Variants in FSIP2 observed in about 807,000 individuals in gnomAD.
The protein encoded by FSIP2 is fibrous sheath-interacting protein 2.
FSIP2 carries 367 observed loss-of-function variants against 510.5 expected under a neutral mutation model. The observed-to-expected ratio is 0.72, with a 90% CI of 0.66 to 0.78. FSIP2 has a LOEUF of 0.78. FSIP2 is among the 30% of genes least tolerant of loss of function. The pLI, the probability that FSIP2 is intolerant of heterozygous loss-of-function variation, is 0.00. For synonymous variants in FSIP2, 2,601 were observed against 2,732.2 expected (o/e 0.95, Z 1.50); for missense variants, 7,594 against 7,901.7 (o/e 0.96, Z 1.48).
rs116029352 is a variant in FSIP2, at chr2:185,804,598, A to G, written c.15292A>G (p.Ile5098Val). 7,723 of 1,533,266 alleles carry G rather than the reference A, an allele frequency of 5.0e-3. 69 individuals carry two copies. The highest frequency in any genetic ancestry group is 0.028 in the South Asian group (2,336 of 83,916). 95.0% of individuals were successfully genotyped at this position (1,533,266 alleles called of 1,614,324 possible). A position where few individuals can be genotyped will look rare whatever the true frequency, so the allele number is the denominator to read the frequency against. ...ADNIIRNVLN[I>V]ITKDSHALPP... ...TAATATCATCAGAAATGTGCTTAAC[A>G]TAATCACAAAGGATAGCCATGCCTT... is the stretch of plus-strand genomic sequence containing the variant. Residue 5098 changes from isoleucine to valine, a missense_variant, in exon 17 of 23, where the codon ATA becomes GTA. By Grantham distance (29) the Ile-to-Val change is conservative. Coordinates refer to ENST00000424728, the MANE Select transcript of FSIP2 (RefSeq NM_173651.4).
At chr2:185,809,744 C>T (rs1163901593) in intron 17 of FSIP2, among the ~76,000 whole-genome samples, 1 of 151,976 alleles carries the variant, frequency 6.6e-6, no homozygotes, top group Non-Finnish European at 1.5e-5. Flanking sequence ...CACTTACACA[C>T]TTGTTTTTTT....
intron 13 of FSIP2, among the ~76,000 whole-genome samples, chr2:185,768,064 A>C (rs955507191): frequency 6.6e-6 from 1 of 152,126 alleles, no homozygotes. Flanking sequence ...TAGGCATTCT[A>C]AGAGATGTGA....
chr2:185,748,992 T>A (rs914112026), intron 7 of FSIP2, among the ~76,000 whole-genome samples: 1 of 152,092 alleles, frequency 6.6e-6, no homozygotes, highest in Non-Finnish European at 1.5e-5. Context: ...TGTCAAAAAT[T>A]ATTTGTATGG....
rs1473730479 is a variant in FSIP2 at position 185,806,429 on chromosome 2, G to GC, written c.17129dup (p.Gly5711ArgfsTer2). 6.2e-7 allele frequency: 1 copy of GC among 1,611,992 alleles called. No homozygotes were observed. The highest frequency in any genetic ancestry group is 8.5e-7 in the Non-Finnish European group (1 of 1,178,656). ...TATTCGAAACTCAGTTATGACCAAA[G>GC]CCCCCCAGGTGATAATGTATTAAAT... On this transcript the variant is annotated frameshift_variant, in exon 17 of 23. Coordinates refer to ENST00000424728, the MANE Select transcript of FSIP2 (RefSeq NM_173651.4). LOFTEE classifies it high-confidence loss of function.
Position 185,738,831 on chromosome 2 carries a change from C to A in FSIP2, c.-64C>A. ...TCCTGGTCAGGTCCGGACAGAGGGA[C>A]AACGGGGTGCTAGAGAAGGAGAGCG... On this transcript the variant is annotated 5_prime_UTR_variant, in exon 1 of 23. Coordinates refer to ENST00000424728, the MANE Select transcript of FSIP2 (RefSeq NM_173651.4). 6.5e-7 allele frequency: 1 copy of A among 1,535,754 alleles called. No homozygotes were observed. Among genetic ancestry groups the A allele is most frequent in the South Asian group, 1.2e-5 (1 of 84,054 alleles).
At chr2:185,788,605 C>T in intron 15 of FSIP2, 38 bp from the exon 16 acceptor site, 1 of 1,389,926 alleles carries the variant, frequency 7.2e-7, no homozygotes, top group South Asian at 1.6e-5. Flanking sequence ...TAAGTTGTTA[C>T]ATGACTTTAT....
intron 13 of FSIP2, among the ~76,000 whole-genome samples, chr2:185,781,525 T>TG (rs536854058): frequency 1.4e-4 from 22 of 152,198 alleles, no homozygotes; most frequent in East Asian, 7.8e-4. Flanking sequence ...CTCCATCTTT[T>TG]GGGGGGGCCC....
At position 185,744,338 on chromosome 2, in the gene FSIP2, G is replaced by C; in HGVS notation, c.404G>C (p.Arg135Thr). 1 of 1,199,626 alleles carries C rather than the reference G, an allele frequency of 8.3e-7. No individual in the cohort carries two copies. Among genetic ancestry groups the C allele is most frequent in the Non-Finnish European group, 1.1e-6 (1 of 923,198 alleles). The allele number at this position is 1,199,626 out of a possible 1,614,324, so 74.3% of individuals were successfully genotyped here. Residue 135 changes from arginine to threonine, a missense_variant, in exon 4 of 23, where the codon AGA becomes ACA. Physicochemically the swap from Arg to Thr is moderately conservative, Grantham distance 71. Coordinates refer to ENST00000424728, the MANE Select transcript of FSIP2 (RefSeq NM_173651.4). Reference sequence around the variant, plus strand: ...TGTTTGTAGGTTGTATGTACCTTGAGAGAATTGAATAAGTACAGGCAATAT... The same window carrying C: ...TGTTTGTAGGTTGTATGTACCTTGACAGAATTGAATAAGTACAGGCAATAT... ...TSNNKVVCTL[R>T]ELNKYRQYLT...
chr2:185,795,250 G>T lies in FSIP2; in HGVS notation c.8114G>T (p.Ser2705Ile). 1 of 1,535,136 alleles carries T rather than the reference G, an allele frequency of 6.5e-7. No individual in the cohort carries two copies. Among genetic ancestry groups the T allele is most frequent in the Non-Finnish European group, 8.7e-7 (1 of 1,146,296 alleles). ...LGPGEKTLKD[S>I]RSKTAIGLSH... ...CCTGGAGAGAAGACCCTAAAAGACA[G>T]CAGATCCAAGACTGCCATTGGGTTG... Residue 2705 changes from serine to isoleucine, a missense_variant, in exon 16 of 23, where the codon AGC (serine) becomes ATC (isoleucine). Physicochemically the swap from Ser to Ile is moderately radical, Grantham distance 142 (BLOSUM62 -2). Coordinates refer to ENST00000424728, the MANE Select transcript of FSIP2 (RefSeq NM_173651.4).
rs1221796764 is a variant in FSIP2 at position 185,803,325 on chromosome 2, A to G, written c.14019A>G (p.Gln4673=). 1.3e-6 allele frequency: 2 copies of G among 1,530,818 alleles called. No homozygotes were observed. The highest frequency in any genetic ancestry group is 2.0e-5 in the Admixed American group (1 of 50,322). 94.8% of individuals were successfully genotyped at this position (1,530,818 alleles called of 1,614,324 possible). Residue 4673 remains glutamine, a synonymous_variant, in exon 17 of 23, where the codon CAA becomes CAG. Transcript: ENST00000424728. ...TTACAGGGGAATTCTCAAAAGCCCAAGTTAGCATTATAGATAATACTGAGG... is the reference window on the plus strand; with the variant it reads ...TTACAGGGGAATTCTCAAAAGCCCAGGTTAGCATTATAGATAATACTGAGG... ...HLITGEFSKA[Q]VSIIDNTEER...
chr2:185,763,264 CA>C lies in FSIP2; in HGVS notation c.1323del (p.Leu443TrpfsTer61). 1 of 1,495,690 alleles carries C rather than the reference CA, an allele frequency of 6.7e-7. No homozygotes were observed. Among genetic ancestry groups the C allele is most frequent in the South Asian group, 1.2e-5 (1 of 83,184 alleles). The allele number at this position is 1,495,690 out of a possible 1,614,324, so 92.7% of individuals were successfully genotyped here. Reference protein sequence around the residue: ...PTRNFSRVSQAFLDPSKEEKE... With the variant: ...PTRNFSRVSQXFLDPSKEEKE... ...AGAAATTTTTCCAGAGTTTCACAGG[CA>C]TTTTTGGATCCTTCAAAAGAAGAGG... is the stretch of plus-strand genomic sequence containing the variant. On this transcript the variant is annotated frameshift_variant, in exon 12 of 23. Transcript: ENST00000424728. LOFTEE classifies it high-confidence loss of function.
Position 185,799,853 on chromosome 2 carries a change from A to G in FSIP2, c.10547A>G (p.Asp3516Gly). Residue 3516 changes from aspartate to glycine, a missense_variant, in exon 17 of 23, where the codon GAT becomes GGT. Physicochemically the swap from Asp to Gly is moderately conservative, Grantham distance 94. Transcript: ENST00000424728. ...TACCATTTAACTTCGAGCATTTCTG[A>G]TGGCACCAAAAAGGGTAGAGAAAAA... ...VLYHLTSSISDGTKKGREKEK... is the reference protein window; with the variant it reads ...VLYHLTSSISGGTKKGREKEK... 2 of 1,533,028 alleles carry G rather than the reference A, an allele frequency of 1.3e-6. No individual in the cohort carries two copies. The highest frequency in any genetic ancestry group is 1.7e-6 in the Non-Finnish European group (2 of 1,144,874). 95.0% of individuals were successfully genotyped at this position (1,533,028 alleles called of 1,614,324 possible). A position where few individuals can be genotyped will look rare whatever the true frequency, so the allele number is the denominator to read the frequency against.
In FSIP2 at chr2:185,797,313, C is replaced by G. The variant is rs1693314881; in HGVS notation, c.10177C>G (p.Pro3393Ala). 1 of 1,526,262 alleles carries G rather than the reference C, an allele frequency of 6.6e-7. No individual in the cohort carries two copies. Among genetic ancestry groups the G allele is most frequent in the Non-Finnish European group, 8.7e-7 (1 of 1,144,184 alleles). 94.5% of individuals were successfully genotyped at this position (1,526,262 alleles called of 1,614,324 possible). Residue 3393 changes from proline (P) to alanine (A), a missense_variant, in exon 16 of 23, where the codon CCT (proline) becomes GCT (alanine). Coordinates refer to ENST00000424728, the MANE Select transcript of FSIP2 (RefSeq NM_173651.4). ...GCAGGATAAAAAAATCAACTATATA[C>G]CTGAGGAAGAAAATGAAAACCTTGA... ...RMQDKKINYIPEEENENLEAS... is the reference protein window; with the variant it reads ...RMQDKKINYIAEEENENLEAS...
Position 185,804,796 on chromosome 2 carries a change from G to T in FSIP2, c.15490G>T (p.Glu5164Ter), listed in dbSNP as rs1386131844. 12 of 1,532,594 alleles carry T rather than the reference G, an allele frequency of 7.8e-6. No individual in the cohort carries two copies. Among genetic ancestry groups the T allele is most frequent in the South Asian group, 2.4e-5 (2 of 83,850 alleles). The allele number at this position is 1,532,594 out of a possible 1,614,324, so 94.9% of individuals were successfully genotyped here. ...ASKLTDEIIK[E>*]ISEHEIRLSM... ...AAAATTGACTGATGAAATTATAAAA[G>T]AAATTTCTGAACATGAGATTCGACT... is the stretch of plus-strand genomic sequence containing the variant. The change falls in exon 17 of 23, where the codon GAA becomes TAA. Residue 5164 changes from glutamate (E) to a stop codon, truncating the protein, a stop_gained. Transcript: ENST00000424728. LOFTEE classifies it high-confidence loss of function.
Position 185,790,223 on chromosome 2 carries a change from A to C in FSIP2, c.3087A>C (p.Glu1029Asp). The C allele has an allele frequency of 6.5e-7, 1 of 1,532,244 alleles. No individual in the cohort carries two copies. Among genetic ancestry groups the C allele is most frequent in the Non-Finnish European group, 8.7e-7 (1 of 1,145,116 alleles). The allele number at this position is 1,532,244 out of a possible 1,614,324, so 94.9% of individuals were successfully genotyped here. A position where few individuals can be genotyped will look rare whatever the true frequency, so the allele number is the denominator to read the frequency against. Residue 1029 changes from glutamate to aspartate, a missense_variant, in exon 16 of 23, where the codon GAA (glutamate) becomes GAC (aspartate). Physicochemically the swap from Glu to Asp is conservative, Grantham distance 45 (BLOSUM62 2). Transcript: ENST00000424728. ...AAGATGAAAAAGTAAAATCACAAGA[A>C]CAGATTCCTAATCATTGGTTTACAA... is the stretch of plus-strand genomic sequence containing the variant. ...TFKDEKVKSQ[E>D]QIPNHWFTKG...
upstream of FSIP2, among the ~76,000 whole-genome samples, chr2:185,737,706 G>A (rs1403078193): frequency 6.6e-6 from 1 of 152,128 alleles, no homozygotes; most frequent in African/African-American, 2.4e-5. Context: ...TTTGGTGAAA[G>A]TTGTGTGTTG....
At chr2:185,832,041 C>T (rs1280016099) in intron 22 of FSIP2, among the ~76,000 whole-genome samples, 159 bp downstream of exon 22, 1 of 151,764 alleles carries the variant, frequency 6.6e-6, no homozygotes, top group African/African-American at 2.4e-5. Flanking sequence ...GCATAAATAC[C>T]AATTTTCAGT....
At chr2:185,824,848 G>A (rs1693987328) in intron 20 of FSIP2, among the ~76,000 whole-genome samples, 1 of 151,794 alleles carries the variant, frequency 6.6e-6, no homozygotes, top group African/African-American at 2.4e-5. Flanking sequence ...TCTTTTTAAA[G>A]CTAAATTTAT....
intron 14 of FSIP2, among the ~76,000 whole-genome samples, chr2:185,784,389 TG>T (rs1692918822): frequency 6.6e-6 from 1 of 152,146 alleles, no homozygotes; most frequent in African/African-American, 2.4e-5. Flanking sequence ...TGGTTTTTAG[TG>T]GGGGTGTAAT....
Sources: gnomAD v4.1 joint callset for allele counts (sites outside exome capture counted in the v4.1 genomes callset) on GRCh38, gnomAD v4.1.1 for gene constraint, MANE v1.5 for transcripts, NCBI Gene and HGNC (gene_info 2026-07-23, HGNC 2026-07-21) for gene names.